The following RBMS3 variants were observed in gnomAD, a reference collection of about 807,000 sequenced individuals.
RBMS3 encodes RNA binding motif single stranded interacting protein 3, also known as RNA-binding motif, single-stranded-interacting protein 3.
A neutral mutation model predicts 66.8 loss-of-function variants in RBMS3; 27 were observed. The observed-to-expected ratio is 0.40, with a 90% CI of 0.30 to 0.56. RBMS3 has a LOEUF of 0.56. Ranked by LOEUF, RBMS3 falls within the 20% of genes least tolerant of loss-of-function variation. The pLI, the probability that RBMS3 is intolerant of heterozygous loss-of-function variation, is 0.40. For missense variants in RBMS3, 513 were observed against 549.5 expected, an observed-to-expected ratio of 0.93 and a Z score of 0.66; for synonymous variants, 188 against 183.0, an observed-to-expected ratio of 1.03 and a Z score of -0.22.
chr3:29,706,912 C>G (rs1281125235), intron 4 of RBMS3, among the ~76,000 whole-genome samples: 4 of 152,112 alleles, frequency 2.6e-5, no homozygotes, highest in Non-Finnish European at 4.4e-5. Flanking sequence ...GAAATACAGA[C>G]TTTTTTAAAA....
intron 2 of RBMS3, among the ~76,000 whole-genome samples, chr3:29,463,376 T>C (rs2042431990): frequency 1.3e-5 from 2 of 152,178 alleles, no homozygotes; most frequent in African/African-American, 4.8e-5. Flanking sequence ...TATGTATGAA[T>C]CTAGCTTTTG....
At chr3:29,933,948 G>C (rs956186829) in intron 10 of RBMS3, 1 of 151,994 alleles carries the variant, frequency 6.6e-6, no homozygotes, top group Non-Finnish European at 1.5e-5. Flanking sequence ...GCAGGCATTC[G>C]ATCCTTCTCA....
At chr3:29,856,938 A>G (rs2059091305) in intron 6 of RBMS3, among the ~76,000 whole-genome samples, 2 of 152,164 alleles carry the variant, frequency 1.3e-5, no homozygotes. Context: ...TATGTGATTC[A>G]ACTTACATGA....
intron 11 of RBMS3, among the ~76,000 whole-genome samples, chr3:29,940,281 T>C (rs2061359380): frequency 6.6e-6 from 1 of 151,906 alleles, no homozygotes; most frequent in Admixed American, 6.6e-5. Context: ...TCTAAAACTA[T>C]CTGACGTCTC....
At chr3:29,394,387 A>T (rs971933420) in intron 1 of RBMS3, among the ~76,000 whole-genome samples, 11 of 152,176 alleles carry the variant, frequency 7.2e-5, no homozygotes, top group African/African-American at 2.7e-4. Flanking sequence ...GTTCAAACAC[A>T]AATGTTTTAC....
intron 1 of RBMS3, among the ~76,000 whole-genome samples, chr3:29,338,289 T>C (rs2036071024): frequency 6.6e-6 from 1 of 152,204 alleles, no homozygotes; most frequent in Non-Finnish European, 1.5e-5. Flanking sequence ...ATTTAATACT[T>C]CATCTATGAG....
intron 3 of RBMS3, among the ~76,000 whole-genome samples, chr3:29,501,922 G>T (rs144910559): frequency 6.6e-6 from 1 of 151,914 alleles, no homozygotes; most frequent in African/African-American, 2.4e-5. Context: ...AATGGTTCGC[G>T]GTAGTTATGG....
At chr3:29,394,212 T>C (rs1384761313) in intron 1 of RBMS3, among the ~76,000 whole-genome samples, 2 of 152,190 alleles carry the variant, frequency 1.3e-5, no homozygotes, top group Admixed American at 6.5e-5. Context: ...TATTTCTTGC[T>C]GGGAAAATAA....
intron 1 of RBMS3, among the ~76,000 whole-genome samples, chr3:29,403,638 A>G (rs1376458851): frequency 6.6e-6 from 1 of 152,136 alleles, no homozygotes; most frequent in African/African-American, 2.4e-5. Flanking sequence ...CACTGGAAAG[A>G]TGATAGTGAA....
chr3:29,611,685 T>C (rs531344139), intron 4 of RBMS3, among the ~76,000 whole-genome samples: 1 of 152,168 alleles, frequency 6.6e-6, no homozygotes, highest in African/African-American at 2.4e-5. Context: ...TTAAAAATTC[T>C]GTAGTCAAGG....
At chr3:29,335,400 T>G (rs772597887) in intron 1 of RBMS3, among the ~76,000 whole-genome samples, 1 of 152,184 alleles carries the variant, frequency 6.6e-6, no homozygotes, top group Non-Finnish European at 1.5e-5. Context: ...ATGCATATAG[T>G]CCACGTGGCA....
chr3:29,517,598 C>T (rs1163469539), intron 3 of RBMS3, among the ~76,000 whole-genome samples: 1 of 151,654 alleles, frequency 6.6e-6, no homozygotes, highest in African/African-American at 2.4e-5. Flanking sequence ...GCTGGGATTA[C>T]AGGCGTGAGC....
At chr3:29,733,376 T>G (rs1008025612) in intron 4 of RBMS3, among the ~76,000 whole-genome samples, 1 of 151,828 alleles carries the variant, frequency 6.6e-6, no homozygotes, top group Non-Finnish European at 1.5e-5. Flanking sequence ...CCTTTTTTTT[T>G]TGGATACTTA....
rs1168223498 is a variant in RBMS3 at position 29,960,312 on chromosome 3, C to G, written c.1098+16058C>G. 2.0e-5 allele frequency among the ~76,000 whole-genome samples: 3 copies of G among 152,208 alleles called. No homozygotes were observed. In the East Asian group the frequency reaches 5.8e-4, roughly 29 times the overall value. ...TCTCCTTTGACTCCATGTCTCACAT[C>G]CAGGGATGTGGTACAAGAGGTGGGC... On this transcript the variant is annotated intron_variant, in intron 12 of 14. Transcript: ENST00000383767.
At chr3:29,648,261 C>CTCTTTTTTTT (rs1576434694) in intron 4 of RBMS3, among the ~76,000 whole-genome samples, 1 of 88,146 alleles carries the variant, frequency 1.1e-5, no homozygotes, top group Non-Finnish European at 2.2e-5. Flanking sequence ...TAGAAAATGT[C>CTCTTTTTTTT]TATTTTTTTT....
In RBMS3 at chr3:29,389,157, C is replaced by T. The variant is rs544400025; in HGVS notation, c.76-45586C>T. 3.3e-5 allele frequency among the ~76,000 whole-genome samples: 5 copies of T among 152,266 alleles called. No homozygotes were observed. The South Asian group carries it at 6.2e-4, about 19-fold the overall frequency. On this transcript the variant is annotated intron_variant, in intron 1 of 14. Coordinates refer to ENST00000383767, the MANE Select transcript of RBMS3 (RefSeq NM_001003793.3). ...AAAAGTGTATGGAAGATCTGACTCT[C>T]ACTGTCTTCTCTTCCCCTCTGATTG...
intron 4 of RBMS3, among the ~76,000 whole-genome samples, chr3:29,602,127 AAT>A (rs1342914590): frequency 6.6e-6 from 1 of 152,004 alleles, no homozygotes; most frequent in Non-Finnish European, 1.5e-5. Context: ...TCCAAATTTT[AAT>A]AGAGTTTTGC....
At chr3:29,636,426 C>T (rs1363213045) in intron 4 of RBMS3, among the ~76,000 whole-genome samples, 1 of 151,918 alleles carries the variant, frequency 6.6e-6, no homozygotes, top group Non-Finnish European at 1.5e-5. Context: ...AAACACACTA[C>T]AGCCAATAAA....
At chr3:29,349,739 G>T (rs1227356714) in intron 1 of RBMS3, among the ~76,000 whole-genome samples, 1 of 152,012 alleles carries the variant, frequency 6.6e-6, no homozygotes, top group Non-Finnish European at 1.5e-5. Context: ...GTTTTATCTT[G>T]GTGCCTCAGT....
Sources: allele counts gnomAD v4.1 joint callset (sites outside exome capture counted in the v4.1 genomes callset), GRCh38; gene constraint gnomAD v4.1.1; transcripts MANE v1.5; gene names NCBI Gene and HGNC (gene_info 2026-07-23, HGNC 2026-07-21).